The following FBXO16 variants were observed in gnomAD, a reference collection of about 807,000 sequenced individuals.
FBXO16 encodes the protein F-box only protein 16.
Under a neutral mutation model 41.0 loss-of-function variants are expected in FBXO16, and 31 were observed. That is an observed-to-expected ratio of 0.76 (90% CI 0.57 to 1.02). The LOEUF (loss-of-function observed/expected upper bound fraction) is 1.02, where lower values mean the gene tolerates loss of function less well. Ranked by LOEUF, FBXO16 falls within the 50% of genes least tolerant of loss-of-function variation. The pLI is 0.00. For synonymous variants in FBXO16, 133 were observed against 117.8 expected, an observed-to-expected ratio of 1.13 and a Z score of -0.84; for missense variants, 361 against 346.2, an observed-to-expected ratio of 1.04 and a Z score of -0.34.
chr8:28,429,595 C>G (rs1017764417), intron 7 of FBXO16, among the ~76,000 whole-genome samples, 192 bp from the exon 8 acceptor site: 7 of 151,694 alleles, frequency 4.6e-5, no homozygotes, highest in Non-Finnish European at 8.8e-5. Flanking sequence ...ACAATGCCCC[C>G]CCGTTACTCC....
In FBXO16 at chr8:28,447,552, G is replaced by A. The variant is rs555908982; in HGVS notation, c.741-279C>T. The A allele has an allele frequency of 1.3e-5, 5 of 370,648 alleles. No individual in the cohort carries two copies. In the South Asian group the frequency reaches 1.6e-4, roughly 12 times the overall value. The allele number at this position is 370,648 out of a possible 1,614,324, so 23.0% of individuals were successfully genotyped here. A position where few individuals can be genotyped will look rare whatever the true frequency, so the allele number is the denominator to read the frequency against. ...ATATACTGTTACATTAAGAAAGAAG[G>A]GTGGATGAGACGGTATGTACTGGGT... On this transcript the variant is annotated intron_variant, in intron 6 of 8. Coordinates refer to ENST00000380254, the MANE Select transcript of FBXO16 (RefSeq NM_172366.4).
chr8:28,463,296 GTGTGTGTT>G (rs1396801995), intron 4 of FBXO16, among the ~76,000 whole-genome samples: 36 of 149,922 alleles, frequency 2.4e-4, no homozygotes, highest in African/African-American at 7.5e-4. Flanking sequence ...ATGTATGTTT[GTGTGTGTT>G]TGTGTGTGTG....
chr8:28,435,467 C>T (rs1344748501), intron 7 of FBXO16, among the ~76,000 whole-genome samples: 3 of 152,054 alleles, frequency 2.0e-5, no homozygotes, highest in Non-Finnish European at 4.4e-5. Flanking sequence ...AGCCACCGTG[C>T]CTGGCCTGAG....
intron 7 of FBXO16, among the ~76,000 whole-genome samples, chr8:28,439,460 G>A (rs896852251): frequency 7.2e-5 from 11 of 152,080 alleles, no homozygotes; most frequent in African/African-American, 2.4e-4. Context: ...ACACCCGGCC[G>A]TGCACAGTGG....
intron 3 of FBXO16, among the ~76,000 whole-genome samples, chr8:28,471,805 C>CACAAAAAAAAAAAAAAAAAAAAAAAAAAA (rs781686111): frequency 8.4e-5 from 2 of 23,728 alleles, no homozygotes; most frequent in Non-Finnish European, 1.4e-4. Flanking sequence ...CAGAGAATCT[C>CACAAAAAAAAAAAAAAAAAAAAAAAAAAA]AAAAAAAAAA....
At chr8:28,466,154 G>A (rs1254531937) in intron 3 of FBXO16, among the ~76,000 whole-genome samples, 2 of 152,096 alleles carry the variant, frequency 1.3e-5, no homozygotes, top group South Asian at 2.1e-4. Context: ...CAGGAGAATC[G>A]CTTGAACCCA....
At chr8:28,487,542 C>T (rs1353155930) in intron 1 of FBXO16, among the ~76,000 whole-genome samples, 1 of 151,568 alleles carries the variant, frequency 6.6e-6, no homozygotes, top group East Asian at 1.9e-4. Context: ...TACAGGCATG[C>T]ACCACCATGC....
intron 5 of FBXO16, among the ~76,000 whole-genome samples, chr8:28,454,890 T>A (rs2130133426): frequency 6.6e-6 from 1 of 151,116 alleles, no homozygotes; most frequent in East Asian, 1.9e-4. Context: ...ATTTTCCTAA[T>A]CATGAATAGA....
At chr8:28,456,972 C>T in intron 4 of FBXO16, 42 bp from the exon 5 acceptor site, 1 of 1,589,162 alleles carries the variant, frequency 6.3e-7, no homozygotes, top group East Asian at 2.3e-5. Context: ...AATCAAACAA[C>T]CCCTTCAGTT....
chr8:28,436,077 C>A (rs1033514793), intron 7 of FBXO16, among the ~76,000 whole-genome samples: 1 of 152,186 alleles, frequency 6.6e-6, no homozygotes, highest in Non-Finnish European at 1.5e-5. Flanking sequence ...GAGACAAAGG[C>A]TCAGAGTGCA....
chr8:28,485,624 G>C (rs1803590019), intron 1 of FBXO16, among the ~76,000 whole-genome samples: 1 of 152,290 alleles, frequency 6.6e-6, no homozygotes, highest in East Asian at 1.9e-4. Flanking sequence ...TCAAGACAAT[G>C]CCTTCCTTCA....
chr8:28,466,882 G>C (rs1803252560), intron 3 of FBXO16, among the ~76,000 whole-genome samples: 2 of 152,122 alleles, frequency 1.3e-5, no homozygotes, highest in South Asian at 2.1e-4. Context: ...TTTTGAACTG[G>C]ATCTCCTGTT....
At chr8:28,429,066 C>G (rs1227780385) in intron 8 of FBXO16, among the ~76,000 whole-genome samples, 1 of 152,128 alleles carries the variant, frequency 6.6e-6, no homozygotes, top group Non-Finnish European at 1.5e-5. Flanking sequence ...CAAGTTCACA[C>G]CGCTAAAAAG....
intron 4 of FBXO16, among the ~76,000 whole-genome samples, chr8:28,459,447 G>A (rs957048474): frequency 2.0e-5 from 3 of 151,536 alleles, no homozygotes; most frequent in African/African-American, 2.4e-5. Flanking sequence ...GCGAAACCCC[G>A]TCTTTCCTAA....
chr8:28,447,431 G>C (rs1802882727), intron 6 of FBXO16, 158 bp from the exon 7 acceptor site: 1 of 605,218 alleles, frequency 1.7e-6, no homozygotes, highest in Admixed American at 3.0e-5. Flanking sequence ...TAGAGAACTG[G>C]TTGCATCAAC....
chr8:28,447,476 G>T, intron 6 of FBXO16: 1 of 511,750 alleles, frequency 2.0e-6, no homozygotes. Context: ...ACTATGAGCT[G>T]CAAATGGAAA....
chr8:28,448,133 A>G (rs1250960317), intron 6 of FBXO16, among the ~76,000 whole-genome samples: 1 of 152,008 alleles, frequency 6.6e-6, no homozygotes, highest in African/African-American at 2.4e-5. Context: ...TGAGTCCAGG[A>G]GTTTGAGACC....
At chr8:28,449,917 A>G (rs1046602720) in intron 6 of FBXO16, among the ~76,000 whole-genome samples, 4 of 148,812 alleles carry the variant, frequency 2.7e-5, no homozygotes, top group African/African-American at 9.9e-5. Context: ...GGTTGCAGTG[A>G]GCCGAGATCA....
chr8:28,485,645 G>GC (rs1265519701), intron 1 of FBXO16, among the ~76,000 whole-genome samples: 1 of 152,174 alleles, frequency 6.6e-6, no homozygotes, highest in Non-Finnish European at 1.5e-5. Flanking sequence ...GTTGCCTGTT[G>GC]CCAATATGCC....
Sources: allele counts gnomAD v4.1 joint callset (sites outside exome capture counted in the v4.1 genomes callset), GRCh38; gene constraint gnomAD v4.1.1; transcripts MANE v1.5; gene names NCBI Gene and HGNC (gene_info 2026-07-23, HGNC 2026-07-21).